The following CLEC6A variants were observed in gnomAD, a reference collection of about 807,000 sequenced individuals.
CLEC6A encodes C-type lectin domain containing 6A.
A neutral mutation model predicts 25.7 loss-of-function variants in CLEC6A; 22 were observed. The observed-to-expected ratio is 0.85, with a 90% CI of 0.61 to 1.22. The LOEUF is 1.22. Among genes scored for constraint, CLEC6A ranks in the 50% most tolerant of loss-of-function variants. The pLI is 0.00. For missense variants in CLEC6A, 240 were observed against 236.8 expected (o/e 1.01, Z -0.09); for synonymous variants, 92 against 76.7 (o/e 1.20, Z -1.04).
chr12:8,459,913 T>C (rs1455227908), intron 3 of CLEC6A, among the ~76,000 whole-genome samples: 1 of 152,204 alleles, frequency 6.6e-6, no homozygotes, highest in African/African-American at 2.4e-5. Context: ...TTGAGCTTGG[T>C]AAATATTATA....
At chr12:8,458,332 C>T (rs1169247530) in intron 2 of CLEC6A, among the ~76,000 whole-genome samples, 2 of 152,174 alleles carry the variant, frequency 1.3e-5, no homozygotes, top group African/African-American at 2.4e-5. Context: ...GGGAGTGCAA[C>T]TCTAATTGCT....
At position 8,457,096 on chromosome 12, in the gene CLEC6A, T is replaced by C. The variant is rs137887882; in HGVS notation, c.32-802T>C. Among the ~76,000 whole-genome samples, 1,476 of 150,810 alleles carry C rather than the reference T, an allele frequency of 9.8e-3. 28 individuals are homozygous for C. Among genetic ancestry groups the C allele is most frequent in the African/African-American group, 0.034 (1,403 of 41,006 alleles). ...TTGTGCTTCAGCCTGGGTGACAGAG[T>C]GAGACTCCATGTCAAAAAAAAAAAA... On this transcript the variant is annotated intron_variant, in intron 1 of 5. Coordinates refer to ENST00000382073, the MANE Select transcript of CLEC6A (RefSeq NM_001007033.2).
intron 3 of CLEC6A, among the ~76,000 whole-genome samples, chr12:8,464,486 A>G (rs1042309417): frequency 6.6e-6 from 1 of 151,760 alleles, no homozygotes; most frequent in Non-Finnish European, 1.5e-5. Flanking sequence ...CCGCCACCAC[A>G]CCTGGCTAAT....
At chr12:8,476,663 A>G (rs1371759310) in intron 5 of CLEC6A, among the ~76,000 whole-genome samples, 2 of 152,126 alleles carry the variant, frequency 1.3e-5, no homozygotes, top group Non-Finnish European at 2.9e-5. Context: ...TGTGGCTTTA[A>G]AATAGAATTC....
At chr12:8,460,995 A>C in intron 3 of CLEC6A, 1 of 1,272,142 alleles carries the variant, frequency 7.9e-7, no homozygotes, top group Non-Finnish European at 1.1e-6. Context: ...AAGATTCCAC[A>C]TAAAAATTTT....
At chr12:8,468,756 C>T (rs749495307) in intron 4 of CLEC6A, among the ~76,000 whole-genome samples, 1 of 152,166 alleles carries the variant, frequency 6.6e-6, no homozygotes, top group East Asian at 1.9e-4. Context: ...TATTAAAACC[C>T]TCAGTAAAAT....
At chr12:8,457,013 G>A (rs1398984198) in intron 1 of CLEC6A, among the ~76,000 whole-genome samples, 1 of 151,958 alleles carries the variant, frequency 6.6e-6, no homozygotes, top group Non-Finnish European at 1.5e-5. Flanking sequence ...AGGAGGCTGA[G>A]GCAGGAGAAT....
rs1311519896 is a variant in CLEC6A at position 8,477,336 on chromosome 12, G to A, written c.502G>A (p.Glu168Lys). The change falls in exon 6 of 6, where the codon GAG becomes AAG. Residue 168 changes from glutamate (E) to lysine (K), a missense_variant. Glu to Lys is a moderately conservative substitution (Grantham distance 56). Transcript: ENST00000382073. The stretch of plus-strand genomic sequence containing the variant: ...TTCCTTTAGATTTTGGCACCTAGGT[G>A]AGCCCAATCATTCTGCAGAGCAATG... ...EKNVRFWHLG[E>K]PNHSAEQCAS... is the part of the protein sequence containing the mutation. 7 of 1,609,780 alleles carry A rather than the reference G, an allele frequency of 4.3e-6. No homozygotes were observed. Among genetic ancestry groups the A allele is most frequent in the Non-Finnish European group, 5.9e-6 (7 of 1,177,966 alleles).
intron 3 of CLEC6A, chr12:8,461,005 T>G: frequency 2.8e-6 from 4 of 1,403,534 alleles, no homozygotes; most frequent in South Asian, 1.1e-5. Context: ...ATAAAAATTT[T>G]TGGGGGTTAT....
chr12:8,459,613 A>T lies in CLEC6A; in HGVS notation c.138A>T (p.Thr46=). The change falls in exon 3 of 6, where the codon ACA becomes ACT. Residue 46 remains threonine (T), a synonymous_variant. Coordinates refer to ENST00000382073, the MANE Select transcript of CLEC6A (RefSeq NM_001007033.2). ...CCTTTACAGTAACTTACCATTTTAC[A>T]TATGGTGAAACTGGCAAAAGGCTGT... ...IVSCVVTYHF[T]YGETGKRLSE... is the part of the protein sequence containing the mutation. 1 of 1,607,090 alleles carries T rather than the reference A, an allele frequency of 6.2e-7. No homozygotes were observed.
intron 4 of CLEC6A, among the ~76,000 whole-genome samples, chr12:8,470,948 T>C (rs1386424527): frequency 1.3e-5 from 2 of 152,134 alleles, no homozygotes; most frequent in Non-Finnish European, 2.9e-5. Flanking sequence ...ATATGACTTT[T>C]ATCATGTTGA....
chr12:8,471,457 C>T (rs780021818), intron 4 of CLEC6A, among the ~76,000 whole-genome samples: 6 of 151,928 alleles, frequency 3.9e-5, no homozygotes, highest in East Asian at 3.9e-4. Context: ...GATTAATTTC[C>T]CTACTAGTTA....
chr12:8,465,580 G>A lies in CLEC6A; in HGVS notation c.320G>A (p.Cys107Tyr), dbSNP rs1183081655. 3 of 1,614,064 alleles carry A rather than the reference G, an allele frequency of 1.9e-6. No homozygotes were observed. The East Asian group carries it at 6.7e-5, about 36-fold the overall frequency. Residue 107 changes from cysteine to tyrosine, a missense_variant, in exon 4 of 6, where the codon TGT becomes TAT. Physicochemically the swap from Cys to Tyr is radical, Grantham distance 194 (BLOSUM62 -2). Transcript: ENST00000382073. ...EKVWSKSEQN[C>Y]VEMGAHLVVF... Reference sequence around the variant, plus strand: ...GTTTGGTCTAAGAGTGAGCAGAACTGTGTTGAGATGGGAGCACATTTGGTT... The same window carrying A: ...GTTTGGTCTAAGAGTGAGCAGAACTATGTTGAGATGGGAGCACATTTGGTT...
rs114194490 is a variant in CLEC6A at position 8,463,913 on chromosome 12, G to C, written c.224-1571G>C. Among the ~76,000 whole-genome samples, 1,188 of 152,248 alleles carry C rather than the reference G, an allele frequency of 7.8e-3. 24 individuals are homozygous for C. Among genetic ancestry groups the C allele is most frequent in the African/African-American group, 0.028 (1,153 of 41,546 alleles). On this transcript the variant is annotated intron_variant, in intron 3 of 5. Coordinates refer to ENST00000382073, the MANE Select transcript of CLEC6A (RefSeq NM_001007033.2). ...CTGTCAATATTTTTTGTCAGCCTTG[G>C]AGCTGGCAATTTCACATGTTCAACT...
At position 8,477,506 on chromosome 12, in the gene CLEC6A, A is replaced by G; in HGVS notation, c.*42A>G. ...AAAGAAGAGAAGAATTACTGACGTA[A>G]TTTTTTCCCTGACGTCTTTAAAATT... is the stretch of plus-strand genomic sequence containing the variant. On this transcript the variant is annotated 3_prime_UTR_variant, in exon 6 of 6. Coordinates refer to ENST00000382073, the MANE Select transcript of CLEC6A (RefSeq NM_001007033.2). The G allele has an allele frequency of 1.3e-6, 2 of 1,504,722 alleles. No homozygotes were observed. Among genetic ancestry groups the G allele is most frequent in the Non-Finnish European group, 1.8e-6 (2 of 1,114,330 alleles). 93.2% of individuals were successfully genotyped at this position (1,504,722 alleles called of 1,614,324 possible).
intron 3 of CLEC6A, among the ~76,000 whole-genome samples, chr12:8,464,947 T>C (rs1939810928): frequency 6.6e-6 from 1 of 152,200 alleles, no homozygotes; most frequent in African/African-American, 2.4e-5. Context: ...TAAGTCCCCC[T>C]GTGAGGTTGG....
intron 4 of CLEC6A, among the ~76,000 whole-genome samples, chr12:8,471,218 A>C (rs1322795067): frequency 6.6e-6 from 1 of 152,002 alleles, no homozygotes; most frequent in Non-Finnish European, 1.5e-5. Context: ...TTTTTATATC[A>C]GTATTCATCA....
intron 4 of CLEC6A, among the ~76,000 whole-genome samples, chr12:8,466,979 A>G (rs1344531213): frequency 5.9e-5 from 9 of 152,152 alleles, no homozygotes; most frequent in Admixed American, 5.9e-4. Flanking sequence ...ACTGTTGACA[A>G]TGTGTATATC....
chr12:8,457,813 A>T, intron 1 of CLEC6A, 85 bp from the exon 2 acceptor site: 1 of 909,430 alleles, frequency 1.1e-6, no homozygotes, highest in Non-Finnish European at 1.8e-6. Flanking sequence ...TTCTTCATCT[A>T]GTTTGTTCAT....
Sources: allele counts gnomAD v4.1 joint callset (sites outside exome capture counted in the v4.1 genomes callset), GRCh38; gene constraint gnomAD v4.1.1; transcripts MANE v1.5; gene names NCBI Gene and HGNC (gene_info 2026-07-23, HGNC 2026-07-21).